The following PKHD1 variants were observed in gnomAD, a reference collection of about 807,000 sequenced individuals.
PKHD1 encodes the protein PKHD1 ciliary IPT domain containing fibrocystin/polyductin.
In PKHD1, 291 loss-of-function variants were observed where a neutral mutation model predicts 412.0. That is an observed-to-expected ratio of 0.71 (90% confidence interval 0.64 to 0.78). The LOEUF (loss-of-function observed/expected upper bound fraction) is 0.78, where lower values mean the gene tolerates loss of function less well. Ranked by LOEUF, PKHD1 falls within the 30% of genes least tolerant of loss-of-function variation. PKHD1 has a pLI of 0.00. For synonymous variants in PKHD1, 1,777 were observed against 1,821.5 expected, an observed-to-expected ratio of 0.98 and a Z score of 0.62; for missense variants, 4,825 against 4,950.7, an observed-to-expected ratio of 0.97 and a Z score of 0.76.
rs535624595 is a variant in PKHD1, at chr6:51,866,231, A to C, written c.7733+1632T>G. On this transcript the variant is annotated intron_variant, in intron 48 of 66. Transcript: ENST00000371117. The stretch of plus-strand genomic sequence containing the variant: ...TATTTGTCCATAGACCTGTGAGTCA[A>C]CCTGAAAATTTTAAATAGAATCTAA... Among the ~76,000 whole-genome samples, 12 of 152,268 alleles carry C rather than the reference A, an allele frequency of 7.9e-5. No individual in the cohort carries two copies. In the East Asian group the frequency reaches 2.1e-3, roughly 27 times the overall value.
chr6:51,952,722 G>A (rs1790541918), intron 36 of PKHD1, among the ~76,000 whole-genome samples: 1 of 152,014 alleles, frequency 6.6e-6, no homozygotes, highest in East Asian at 1.9e-4. Flanking sequence ...AGCACATGAA[G>A]ACACCCAAGA....
chr6:51,984,633 C>G (rs1183003580), intron 35 of PKHD1, among the ~76,000 whole-genome samples: 2 of 152,178 alleles, frequency 1.3e-5, no homozygotes, highest in Admixed American at 1.3e-4. Flanking sequence ...GTATGAAATT[C>G]AGAACTGCTC....
chr6:51,666,556 T>G lies in PKHD1; in HGVS notation c.10157-6587A>C, dbSNP rs1360121236. 2.0e-5 allele frequency among the ~76,000 whole-genome samples: 3 copies of G among 152,160 alleles called. No individual in the cohort carries two copies. In the East Asian group the frequency reaches 5.8e-4, roughly 29 times the overall value. On this transcript the variant is annotated intron_variant, in intron 60 of 66. Coordinates refer to ENST00000371117, the MANE Select transcript of PKHD1 (RefSeq NM_138694.4). ...AAATGTTTATAATTTTTTTTTAAATTTATTATAATACTTTAAGTTTTAGGG... is the reference window on the plus strand; with the variant it reads ...AAATGTTTATAATTTTTTTTTAAATGTATTATAATACTTTAAGTTTTAGGG...
intron 46 of PKHD1, among the ~76,000 whole-genome samples, chr6:51,880,779 T>TAAAAAAAAAAAA (rs71544105): frequency 3.1e-3 from 93 of 30,044 alleles, no homozygotes; most frequent in Non-Finnish European, 2.9e-3. Context: ...AAAAAAAAAT[T>TAAAAAAAAAAAA]AAAAAAAAAA....
chr6:52,065,629 T>C (rs532398230), intron 12 of PKHD1, among the ~76,000 whole-genome samples: 1 of 152,268 alleles, frequency 6.6e-6, no homozygotes, highest in South Asian at 2.1e-4. Flanking sequence ...CTTGTCTATA[T>C]CAAGACAGCT....
chr6:51,721,114 A>C (rs1781873301), intron 60 of PKHD1: 1 of 982,318 alleles, frequency 1.0e-6, no homozygotes, highest in African/African-American at 1.7e-5. Context: ...TCAGTGCACA[A>C]GAATGGCACA....
rs1790359050 is a variant in PKHD1, at chr6:51,772,735, T to C, written c.8609A>G (p.His2870Arg). The part of the protein sequence containing the change: ...YSAYPKNSWT[H>R]LGADIASGNE... ...TCCTGAGGCAATATCAGCTCCAAGA[T>C]GTGTCCAGGAGTTCTTAGGATAAGC... is the stretch of plus-strand genomic sequence containing the variant. The change falls in exon 55 of 67, where the codon CAT (histidine) becomes CGT (arginine). Residue 2870 changes from histidine to arginine, a missense_variant. Coordinates refer to ENST00000371117, the MANE Select transcript of PKHD1 (RefSeq NM_138694.4). 1 of 1,597,564 alleles carries C rather than the reference T, an allele frequency of 6.3e-7. No individual in the cohort carries two copies. The highest frequency in any genetic ancestry group is 8.6e-7 in the Non-Finnish European group (1 of 1,165,908).
At chr6:51,752,289 G>C (rs748417875) in intron 57 of PKHD1, among the ~76,000 whole-genome samples, 7 of 152,134 alleles carry the variant, frequency 4.6e-5, no homozygotes, top group Non-Finnish European at 8.8e-5. Flanking sequence ...TCCTGTGCAT[G>C]CAAGATGTTT....
intron 34 of PKHD1, among the ~76,000 whole-genome samples, chr6:52,013,183 C>T (rs1173113236): frequency 6.6e-6 from 1 of 152,140 alleles, no homozygotes. Context: ...TTCCACTTGC[C>T]TCATAAACCT....
chr6:52,000,983 A>T (rs546069816), intron 35 of PKHD1, among the ~76,000 whole-genome samples: 5 of 152,172 alleles, frequency 3.3e-5, no homozygotes, highest in African/African-American at 1.2e-4. Context: ...CCAATTAGAT[A>T]TATTTTTATT....
At chr6:51,777,626 G>A (rs1009283561) in intron 53 of PKHD1, among the ~76,000 whole-genome samples, 1 of 136,674 alleles carries the variant, frequency 7.3e-6, no homozygotes, top group Non-Finnish European at 1.6e-5. Context: ...CCAGTAAGCT[G>A]TTTTCCAACT....
chr6:51,784,873 T>A lies in PKHD1; in HGVS notation c.8440+6363A>T, dbSNP rs146801641. On this transcript the variant is annotated intron_variant, in intron 53 of 66. Coordinates refer to ENST00000371117, the MANE Select transcript of PKHD1 (RefSeq NM_138694.4). ...GCTTTTTCTTGTCTCTATAGTCTGA[T>A]GTCACATTGACTTGTTAGAAAGGTC... Among the ~76,000 whole-genome samples the A allele has an allele frequency of 1.8e-4, 28 of 152,354 alleles. 3 individuals carry two copies. The East Asian group carries it at 3.5e-3, about 19-fold the overall frequency.
intron 60 of PKHD1, among the ~76,000 whole-genome samples, chr6:51,674,068 A>G (rs527506717): frequency 5.3e-5 from 8 of 152,304 alleles, no homozygotes; most frequent in Non-Finnish European, 1.0e-4. Flanking sequence ...ATTAAGAAAA[A>G]CATATTGCAT....
chr6:51,948,141 A>G lies in PKHD1; in HGVS notation c.5908+11729T>C, dbSNP rs533774180. 5.3e-4 allele frequency among the ~76,000 whole-genome samples: 81 copies of G among 152,220 alleles called. 1 individual carries two copies. Among genetic ancestry groups the G allele is most frequent in the African/African-American group, 1.9e-3 (78 of 41,538 alleles). On this transcript the variant is annotated intron_variant, in intron 36 of 66. Coordinates refer to ENST00000371117, the MANE Select transcript of PKHD1 (RefSeq NM_138694.4). Reference sequence around the variant, plus strand: ...GTCACTCTCATCTCACCCATGGATTATTGTAACAGCATCTTAACTTAGCTC... The same window carrying G: ...GTCACTCTCATCTCACCCATGGATTGTTGTAACAGCATCTTAACTTAGCTC...
At chr6:52,005,087 G>T (rs1365361408) in intron 35 of PKHD1, among the ~76,000 whole-genome samples, 1 of 152,056 alleles carries the variant, frequency 6.6e-6, no homozygotes, top group African/African-American at 2.4e-5. Context: ...ACAGAGAAAT[G>T]GAACCCAAAA....
At chr6:51,856,403 C>T (rs1382614421) in intron 48 of PKHD1, among the ~76,000 whole-genome samples, 1 of 152,200 alleles carries the variant, frequency 6.6e-6, no homozygotes, top group African/African-American at 2.4e-5. Context: ...AATGCGCAGT[C>T]TCAGCTCACT....
At position 51,618,399 on chromosome 6, in the gene PKHD1, C is replaced by A; in HGVS notation, c.*682G>T. 1 of 152,410 alleles carries A rather than the reference C, an allele frequency of 6.6e-6. No individual in the cohort carries two copies. The highest frequency in any genetic ancestry group is 6.5e-5 in the Admixed American group (1 of 15,308). The allele number at this position is 152,410 out of a possible 1,614,324, so 9.4% of individuals were successfully genotyped here. ...AAATTTGGCATTTTTACATCTTTGT[C>A]CTTAACTAAACTCTCAGCAAAGCCC... On this transcript the variant is annotated 3_prime_UTR_variant, in exon 67 of 67. Transcript: ENST00000371117.
intron 55 of PKHD1, among the ~76,000 whole-genome samples, chr6:51,762,797 G>T (rs9382011): frequency 1.3e-5 from 2 of 151,778 alleles, no homozygotes; most frequent in East Asian, 1.9e-4. Context: ...TGTTTAAAAA[G>T]GTGGCCTAAA....
At chr6:51,965,558 G>C (rs1792680092) in intron 35 of PKHD1, among the ~76,000 whole-genome samples, 3 of 151,894 alleles carry the variant, frequency 2.0e-5, no homozygotes, top group African/African-American at 7.3e-5. Flanking sequence ...CAGGCTCTAA[G>C]TGATCACTTT....
Sources: gnomAD v4.1 joint callset for allele counts (sites outside exome capture counted in the v4.1 genomes callset) on GRCh38, gnomAD v4.1.1 for gene constraint, MANE v1.5 for transcripts, NCBI Gene and HGNC (gene_info 2026-07-23, HGNC 2026-07-21) for gene names.